Variants in NRXN3 observed in about 807,000 individuals in gnomAD.
The protein encoded by NRXN3 is neurexin III.
A neutral mutation model predicts 137.6 loss-of-function variants in NRXN3; 32 were observed. The ratio of observed to expected loss-of-function variants is 0.23; its 90% confidence interval spans 0.18 to 0.31. NRXN3 has a LOEUF of 0.31. NRXN3 is among the 10% of genes least tolerant of loss of function. The pLI, the probability that NRXN3 is intolerant of heterozygous loss-of-function variation, is 1.00. For missense variants in NRXN3, 1,574 were observed against 2,062.5 expected, an observed-to-expected ratio of 0.76 and a Z score of 4.59; for synonymous variants, 798 against 784.5, an observed-to-expected ratio of 1.02 and a Z score of -0.29.
At chr14:79,540,568 G>A (rs1038497787) in intron 16 of NRXN3, among the ~76,000 whole-genome samples, 2 of 152,116 alleles carry the variant, frequency 1.3e-5, no homozygotes, top group African/African-American at 4.8e-5. Context: ...ACCAATCATG[G>A]TCCCTATTCT....
At chr14:79,561,957 GT>G (rs1196814923) in intron 16 of NRXN3, among the ~76,000 whole-genome samples, 1 of 152,040 alleles carries the variant, frequency 6.6e-6, no homozygotes, top group Non-Finnish European at 1.5e-5. Flanking sequence ...GCATAAATTA[GT>G]TTCTTGTCAA....
At chr14:79,363,533 C>A (rs1412387500) in intron 15 of NRXN3, among the ~76,000 whole-genome samples, 1 of 151,316 alleles carries the variant, frequency 6.6e-6, no homozygotes, top group African/African-American at 2.4e-5. Flanking sequence ...GCTAAAAGAG[C>A]TTCTTCCTCA....
intron 16 of NRXN3, among the ~76,000 whole-genome samples, chr14:79,513,162 G>T (rs2096949002): frequency 6.6e-6 from 1 of 152,186 alleles, no homozygotes; most frequent in Non-Finnish European, 1.5e-5. Context: ...CATAAACTGT[G>T]TTTTTTCTCA....
At chr14:78,435,478 C>A (rs1179464222) in intron 4 of NRXN3, among the ~76,000 whole-genome samples, 2 of 152,126 alleles carry the variant, frequency 1.3e-5, no homozygotes, top group Non-Finnish European at 2.9e-5. Context: ...GGGTTAGTCA[C>A]CGCACTCACA....
chr14:78,568,881 C>T (rs1416644095), intron 4 of NRXN3, among the ~76,000 whole-genome samples: 1 of 151,470 alleles, frequency 6.6e-6, no homozygotes, highest in Non-Finnish European at 1.5e-5. Context: ...GAGCTTCTAC[C>T]AGAAACACTG....
At chr14:79,069,563 TAAA>T (rs5809919) in intron 15 of NRXN3, among the ~76,000 whole-genome samples, 2 of 146,470 alleles carry the variant, frequency 1.4e-5, no homozygotes, top group South Asian at 2.2e-4. Flanking sequence ...TGAAATTTTA[TAAA>T]AAAAAAAAAA....
intron 4 of NRXN3, among the ~76,000 whole-genome samples, chr14:78,328,768 A>G (rs1272462251): frequency 6.6e-6 from 1 of 152,200 alleles, no homozygotes; most frequent in Non-Finnish European, 1.5e-5. Flanking sequence ...CTCTGGGCAA[A>G]GAAGGAAAGG....
chr14:79,181,637 C>T (rs935437312), intron 15 of NRXN3, among the ~76,000 whole-genome samples: 19 of 146,078 alleles, frequency 1.3e-4, no homozygotes, highest in African/African-American at 3.1e-4. Flanking sequence ...GCCAAGATCG[C>T]GTCACTGCAT....
At chr14:78,272,547 C>T (rs2072948824) in intron 2 of NRXN3, among the ~76,000 whole-genome samples, 1 of 152,160 alleles carries the variant, frequency 6.6e-6, no homozygotes, top group Non-Finnish European at 1.5e-5. Flanking sequence ...AACATATAGC[C>T]CAGGGCAGGG....
At chr14:79,589,549 C>T (rs1275767847) in intron 16 of NRXN3, among the ~76,000 whole-genome samples, 6 of 21,902 alleles carry the variant, frequency 2.7e-4, no homozygotes, top group Non-Finnish European at 4.6e-4. Context: ...AGTAGAATAC[C>T]TAAAAAAAAA....
intron 17 of NRXN3, among the ~76,000 whole-genome samples, chr14:79,688,737 C>T (rs2098704862): frequency 1.3e-5 from 2 of 152,128 alleles, no homozygotes; most frequent in African/African-American, 4.8e-5. Flanking sequence ...TTCTGTTCTT[C>T]ACAATATTAT....
intron 19 of NRXN3, among the ~76,000 whole-genome samples, chr14:79,730,027 AG>A (rs1246520512): frequency 6.6e-6 from 1 of 152,174 alleles, no homozygotes; most frequent in Non-Finnish European, 1.5e-5. Context: ...CATGCTTCTC[AG>A]AAAGAAAGGG....
At chr14:78,324,865 G>A (rs982732762) in intron 4 of NRXN3, among the ~76,000 whole-genome samples, 16 of 151,950 alleles carry the variant, frequency 1.1e-4, no homozygotes, top group African/African-American at 1.2e-4. Flanking sequence ...CTTAGCTTTC[G>A]GGGTGTGATA....
chr14:78,942,215 A>C (rs936438348), intron 10 of NRXN3, among the ~76,000 whole-genome samples: 1 of 152,178 alleles, frequency 6.6e-6, no homozygotes, highest in African/African-American at 2.4e-5. Context: ...AAACCTGCCA[A>C]GTACTTCACT....
intron 15 of NRXN3, among the ~76,000 whole-genome samples, chr14:79,387,405 A>C (rs1393614437): frequency 6.6e-6 from 1 of 152,128 alleles, no homozygotes; most frequent in Non-Finnish European, 1.5e-5. Flanking sequence ...ACAATGAGAT[A>C]CCATCTCACA....
At chr14:78,929,820 A>T (rs2099316679) in intron 10 of NRXN3, among the ~76,000 whole-genome samples, 1 of 152,212 alleles carries the variant, frequency 6.6e-6, no homozygotes, top group Admixed American at 6.5e-5. Flanking sequence ...AGAAAAGACC[A>T]TTATTTACAG....
At position 79,363,296 on chromosome 14, in the gene NRXN3, G is replaced by A. The variant is rs539578933; in HGVS notation, c.3263-103925G>A. Among the ~76,000 whole-genome samples the A allele has an allele frequency of 7.2e-5, 11 of 152,136 alleles. No individual in the cohort carries two copies. The South Asian group carries it at 2.1e-3, about 29-fold the overall frequency. On this transcript the variant is annotated intron_variant, in intron 15 of 20. Coordinates refer to ENST00000335750, the MANE Select transcript of NRXN3 (RefSeq NM_001330195.2). ...ATTATAGGCGTGAGCCACTGCACCC[G>A]ACAAAAATTGTCTCTTTTTTGATAT... is the stretch of plus-strand genomic sequence containing the variant.
At chr14:78,769,351 C>T (rs959547031) in intron 8 of NRXN3, among the ~76,000 whole-genome samples, 4 of 152,156 alleles carry the variant, frequency 2.6e-5, no homozygotes, top group South Asian at 2.1e-4. Flanking sequence ...ATGACCTTGT[C>T]GTAACTTGAT....
At chr14:79,608,977 C>T (rs1362084270) in intron 16 of NRXN3, among the ~76,000 whole-genome samples, 3 of 152,144 alleles carry the variant, frequency 2.0e-5, no homozygotes, top group Non-Finnish European at 2.9e-5. Flanking sequence ...TCCTCTAGAT[C>T]TATAATGTTT....
Sources: gnomAD v4.1 joint callset for allele counts (sites outside exome capture counted in the v4.1 genomes callset) on GRCh38, gnomAD v4.1.1 for gene constraint, MANE v1.5 for transcripts, NCBI Gene and HGNC (gene_info 2026-07-23, HGNC 2026-07-21) for gene names.